GDAP1L1: variants seen among roughly 807,000 people sequenced by gnomAD.
The protein encoded by GDAP1L1 is ganglioside induced differentiation associated protein 1 like 1.
In GDAP1L1, 21 loss-of-function variants were observed where a neutral mutation model predicts 37.1. The ratio of observed to expected loss-of-function variants is 0.57; its 90% CI spans 0.40 to 0.81. The LOEUF is 0.81. Among genes scored for constraint, GDAP1L1 ranks in the 40% least tolerant of loss-of-function variants. The pLI is 0.00. For synonymous variants in GDAP1L1, 193 were observed against 209.1 expected, an observed-to-expected ratio of 0.92 and a Z score of 0.67; for missense variants, 362 against 491.6, an observed-to-expected ratio of 0.74 and a Z score of 2.49.
chr20:44,264,947 A>G, intron 5 of GDAP1L1: 3 of 985,356 alleles, frequency 3.0e-6, no homozygotes, highest in Non-Finnish European at 3.6e-6. Flanking sequence ...GGTTAGGGCC[A>G]GAACTTGTTC....
chr20:44,253,009 C>T (rs564806599), intron 1 of GDAP1L1, among the ~76,000 whole-genome samples: 1 of 152,220 alleles, frequency 6.6e-6, no homozygotes, highest in East Asian at 1.9e-4. Flanking sequence ...CTGTGTGGAC[C>T]ACTTCCTCAC....
At chr20:44,258,937 C>A (rs2073618775) in intron 3 of GDAP1L1, among the ~76,000 whole-genome samples, 1 of 151,262 alleles carries the variant, frequency 6.6e-6, no homozygotes, top group Non-Finnish European at 1.5e-5. Flanking sequence ...TCGCTCCCAT[C>A]CCCCTCCCCT....
Position 44,263,251 on chromosome 20 carries a change from C to G in GDAP1L1, c.569C>G (p.Thr190Arg). 1 of 1,614,026 alleles carries G rather than the reference C, an allele frequency of 6.2e-7. No individual in the cohort carries two copies. Among genetic ancestry groups the G allele is most frequent in the Non-Finnish European group, 8.5e-7 (1 of 1,179,944 alleles). Residue 190 changes from threonine (T) to arginine (R), a missense_variant, in exon 4 of 6, where the codon ACG (threonine) becomes AGG (arginine). By Grantham distance (71) the Thr-to-Arg change is moderately conservative. Around this residue, in one of 2 missense-constraint regions of GDAP1L1, gnomAD observed 277 missense variants for 337.1 expected, o/e 0.82. Transcript: ENST00000342560. The stretch of plus-strand genomic sequence containing the variant: ...CCAGGACATTTAGCCAATGCCACCA[C>G]GGACCTCATGAAACTGGACCATGAA... ...EIRRHLANATTDLMKLDHEEE... is the reference protein window; with the variant it reads ...EIRRHLANATRDLMKLDHEEE...
chr20:44,250,196 G>C (rs764788065), intron 1 of GDAP1L1, among the ~76,000 whole-genome samples: 3 of 152,178 alleles, frequency 2.0e-5, no homozygotes, highest in Non-Finnish European at 2.9e-5. Flanking sequence ...GATCATTCCA[G>C]ACCCAGAGGG....
intron 1 of GDAP1L1, 83 bp downstream of exon 1, chr20:44,247,597 G>T: frequency 7.7e-7 from 1 of 1,305,712 alleles, no homozygotes; most frequent in Non-Finnish European, 1.0e-6. Flanking sequence ...ATCTGAGGGC[G>T]GCGAAAGACT....
intron 5 of GDAP1L1, among the ~76,000 whole-genome samples, chr20:44,275,012 C>T (rs1284729848): frequency 6.6e-6 from 1 of 152,152 alleles, no homozygotes; most frequent in Admixed American, 6.5e-5. Context: ...CCTGCCTCAG[C>T]CTCCCTAGTA....
chr20:44,259,092 G>A (rs959260904), intron 3 of GDAP1L1, among the ~76,000 whole-genome samples: 4 of 152,110 alleles, frequency 2.6e-5, no homozygotes, highest in Admixed American at 1.3e-4. Context: ...CTCAGGGTTA[G>A]GATTACCAAG....
Position 44,277,276 on chromosome 20 carries a change from G to T in GDAP1L1, c.761-1681G>T, listed in dbSNP as rs62205995. 7.4e-3 allele frequency among the ~76,000 whole-genome samples: 1,119 copies of T among 152,202 alleles called. 16 individuals are homozygous for T. Among genetic ancestry groups the T allele is most frequent in the East Asian group, 0.051 (265 of 5,170 alleles). On this transcript the variant is annotated intron_variant, in intron 5 of 5. Coordinates refer to ENST00000342560, the MANE Select transcript of GDAP1L1 (RefSeq NM_024034.6). ...GCCACGGCGCCCAGCCAAAACTTCC[G>T]TTTTAAATTGGCAGTCTGGGAAGCC...
rs6017305 is a variant in GDAP1L1, at chr20:44,260,199, C to T, written c.547+1592C>T. ...ATAAGTTATGGGTACTTCCATACAA[C>T]GGAATACTGTGCAGATGTTTTTAAA... On this transcript the variant is annotated intron_variant, in intron 3 of 5. Coordinates refer to ENST00000342560, the MANE Select transcript of GDAP1L1 (RefSeq NM_024034.6). 5.0e-3 allele frequency among the ~76,000 whole-genome samples: 751 copies of T among 150,710 alleles called. 4 individuals are homozygous for T. The highest frequency in any genetic ancestry group is 0.017 in the African/African-American group (699 of 40,842).
Position 44,279,009 on chromosome 20 carries a change from C to T in GDAP1L1, c.813C>T (p.Val271=), listed in dbSNP as rs900592809. 2.5e-6 allele frequency: 4 copies of T among 1,614,108 alleles called. No individual in the cohort carries two copies. In the Admixed American group the frequency reaches 6.7e-5, roughly 27 times the overall value. ...GCTGTGCCTTCACCCTCGCTGATGT[C>T]CTCCTGGGAGCCACCCTGCACCGCC... ...LCGCAFTLAD[V]LLGATLHRLK... Residue 271 remains valine (V), a synonymous_variant, in exon 6 of 6, where the codon GTC becomes GTT. Coordinates refer to ENST00000342560, the MANE Select transcript of GDAP1L1 (RefSeq NM_024034.6).
upstream of GDAP1L1, chr20:44,247,254 C>A: frequency 7.0e-7 from 1 of 1,419,522 alleles, no homozygotes; most frequent in Non-Finnish European, 9.8e-7. Flanking sequence ...GGGGCAGGCT[C>A]GGCGAGGCCA....
intron 5 of GDAP1L1, among the ~76,000 whole-genome samples, chr20:44,275,490 G>A (rs971687070): frequency 6.6e-6 from 1 of 152,138 alleles, no homozygotes; most frequent in African/African-American, 2.4e-5. Flanking sequence ...AAGCCTCCCA[G>A]GAAAGCAGCC....
chr20:44,249,977 T>C lies in GDAP1L1; in HGVS notation c.180+2463T>C, dbSNP rs917331496. Among the ~76,000 whole-genome samples the C allele has an allele frequency of 5.9e-5, 9 of 152,312 alleles. 1 individual carries two copies. ...CCCTGCAGAATTCCTTTAGAAGACA[T>C]AGGCATATGTTAACTTCCTGGCATG... On this transcript the variant is annotated intron_variant, in intron 1 of 5. Transcript: ENST00000342560.
intron 5 of GDAP1L1, among the ~76,000 whole-genome samples, chr20:44,272,211 C>T (rs978025518): frequency 6.6e-6 from 1 of 152,132 alleles, no homozygotes; most frequent in Non-Finnish European, 1.5e-5. Flanking sequence ...GATGTGGAGA[C>T]GTGGCATGGA....
intron 5 of GDAP1L1, among the ~76,000 whole-genome samples, chr20:44,272,043 C>T (rs978332923): frequency 6.6e-6 from 1 of 152,210 alleles, no homozygotes; most frequent in African/African-American, 2.4e-5. Flanking sequence ...TCCAACATCA[C>T]TGTTGCTCTC....
chr20:44,253,863 A>G (rs967525632), intron 1 of GDAP1L1, among the ~76,000 whole-genome samples: 1 of 152,216 alleles, frequency 6.6e-6, no homozygotes, highest in Non-Finnish European at 1.5e-5. Flanking sequence ...GCCTCTAAAG[A>G]TATAGTCCCC....
At chr20:44,275,277 A>G (rs1312818825) in intron 5 of GDAP1L1, among the ~76,000 whole-genome samples, 2 of 152,282 alleles carry the variant, frequency 1.3e-5, no homozygotes, top group East Asian at 1.9e-4. Context: ...CCCTGTGACT[A>G]TGAGCCTCTT....
intron 4 of GDAP1L1, among the ~76,000 whole-genome samples, chr20:44,263,835 C>T (rs1403091237): frequency 6.6e-6 from 1 of 151,522 alleles, no homozygotes; most frequent in Non-Finnish European, 1.5e-5. Context: ...CAGAGTGAGA[C>T]TCTGTCTCAA....
chr20:44,258,223 A>C (rs1384405598), intron 2 of GDAP1L1: 1 of 719,654 alleles, frequency 1.4e-6, no homozygotes. Context: ...AGCTGAGAGG[A>C]GCTAACCCTC....
Sources: gnomAD v4.1 joint callset for allele counts (sites outside exome capture counted in the v4.1 genomes callset) on GRCh38, gnomAD v4.1.1 for gene constraint, gnomAD v4.1.1 regional missense constraint, MANE v1.5 for transcripts, NCBI Gene and HGNC (gene_info 2026-07-23, HGNC 2026-07-21) for gene names.